PTPDC1: variants seen among roughly 807,000 people sequenced by gnomAD.
The protein encoded by PTPDC1 is protein tyrosine phosphatase domain containing 1.
In PTPDC1, 53 loss-of-function variants were observed where a neutral mutation model predicts 75.3. The observed-to-expected ratio is 0.70, with a 90% confidence interval of 0.56 to 0.88. The LOEUF is 0.88. Ranked by LOEUF, PTPDC1 falls within the 40% of genes least tolerant of loss-of-function variation. PTPDC1 has a pLI of 0.00. For synonymous variants in PTPDC1, 349 were observed against 366.2 expected (o/e 0.95, Z 0.54); for missense variants, 925 against 998.6 (o/e 0.93, Z 0.99).
At chr9:94,093,471 C>T (rs1437181066) in intron 4 of PTPDC1, among the ~76,000 whole-genome samples, 2 of 146,940 alleles carry the variant, frequency 1.4e-5, no homozygotes, top group African/African-American at 5.1e-5. Flanking sequence ...GTCTGATGGG[C>T]TTCCCTTTGA....
At chr9:94,094,502 A>T (rs1009842542) in intron 4 of PTPDC1, among the ~76,000 whole-genome samples, 1 of 152,160 alleles carries the variant, frequency 6.6e-6, no homozygotes, top group South Asian at 2.1e-4. Context: ...GGGACATTTA[A>T]GTATGCAAAA....
At position 94,097,435 on chromosome 9, in the gene PTPDC1, G is replaced by C. The variant is rs1441202683; in HGVS notation, c.869G>C (p.Cys290Ser). The C allele has an allele frequency of 6.2e-7, 1 of 1,614,156 alleles. No homozygotes were observed. Among genetic ancestry groups the C allele is most frequent in the Admixed American group, 1.7e-5 (1 of 60,012 alleles). The change falls in exon 6 of 9, where the codon TGT becomes TCT. Residue 290 changes from cysteine (C) to serine (S), a missense_variant. By Grantham distance (112) the Cys-to-Ser change is moderately radical. Coordinates refer to ENST00000620992, the MANE Select transcript of PTPDC1 (RefSeq NM_001253829.2). Reference protein sequence around the residue: ...NSIQTRGQLLCVREFTQFLTP... With the variant: ...NSIQTRGQLLSVREFTQFLTP... ...ATACAAACCAGAGGACAGCTCCTCT[G>C]TGTAAGGGAATTTACTCAGTTTCTA...
intron 3 of PTPDC1, 103 bp from the exon 4 acceptor site, chr9:94,088,042 T>C: frequency 6.7e-7 from 1 of 1,486,050 alleles, no homozygotes; most frequent in East Asian, 2.3e-5. Context: ...AATGAGAAAT[T>C]AAGATTTTTG....
chr9:94,055,069 T>C (rs1024905503), intron 1 of PTPDC1, among the ~76,000 whole-genome samples: 2 of 152,222 alleles, frequency 1.3e-5, no homozygotes, highest in Non-Finnish European at 2.9e-5. Flanking sequence ...AGTTCATGAA[T>C]CGTGAATAAA....
chr9:94,058,230 A>G (rs1181705109), intron 1 of PTPDC1, among the ~76,000 whole-genome samples: 2 of 152,180 alleles, frequency 1.3e-5, no homozygotes, highest in Admixed American at 1.3e-4. Context: ...AGGGCCCTCA[A>G]GGCTTTGCTG....
intron 4 of PTPDC1, among the ~76,000 whole-genome samples, chr9:94,094,785 A>C (rs80170952): frequency 4.6e-5 from 7 of 152,202 alleles, no homozygotes; most frequent in African/African-American, 1.4e-4. Flanking sequence ...TGTGGTGCGC[A>C]GTTTTTTAAG....
intron 1 of PTPDC1, among the ~76,000 whole-genome samples, chr9:94,043,685 C>T (rs994033303): frequency 5.3e-5 from 8 of 152,172 alleles, no homozygotes; most frequent in African/African-American, 1.9e-4. Flanking sequence ...CGCACCACTG[C>T]ACACCAGCCT....
intron 2 of PTPDC1, among the ~76,000 whole-genome samples, chr9:94,070,246 T>C (rs1338495418): frequency 1.3e-5 from 2 of 152,184 alleles, no homozygotes; most frequent in Non-Finnish European, 2.9e-5. Context: ...TCAGCCGTAC[T>C]TTTCCTAACC....
At chr9:94,066,680 C>T (rs1826317895) in intron 2 of PTPDC1, among the ~76,000 whole-genome samples, 1 of 152,100 alleles carries the variant, frequency 6.6e-6, no homozygotes, top group African/African-American at 2.4e-5. Context: ...GTCTCAGCCT[C>T]CTGAGTAGCT....
In PTPDC1 at chr9:94,050,776, G is replaced by A. The variant is rs541769801; in HGVS notation, c.-6-13958G>A. Among the ~76,000 whole-genome samples, 97 of 152,346 alleles carry A rather than the reference G, an allele frequency of 6.4e-4. 1 individual carries two copies. The highest frequency in any genetic ancestry group is 2.2e-3 in the African/African-American group (93 of 41,584). ...GATATTTAAGTCTGCAGAGGTTTCT[G>A]CTGCCTTTTGTTTGGCTATGCCCTG... On this transcript the variant is annotated intron_variant, in intron 1 of 9. Transcript: ENST00000375360.
chr9:94,085,472 ACT>A (rs774305103), intron 2 of PTPDC1, 50 bp downstream of exon 2: 10 of 1,593,680 alleles, frequency 6.3e-6, no homozygotes, highest in East Asian at 4.5e-5. Context: ...CAGGAAGGAC[ACT>A]CTGTGTGAGC....
chr9:94,049,981 T>A (rs537624456), intron 1 of PTPDC1, among the ~76,000 whole-genome samples: 2 of 152,366 alleles, frequency 1.3e-5, no homozygotes, highest in African/African-American at 4.8e-5. Context: ...CCATCACTGA[T>A]ACCCTTTCTT....
chr9:94,093,831 A>G (rs2118033951), intron 4 of PTPDC1, among the ~76,000 whole-genome samples: 1 of 146,090 alleles, frequency 6.8e-6, no homozygotes, highest in African/African-American at 2.6e-5. Context: ...CATTTCATTC[A>G]TTTCATCTTC....
chr9:94,065,925 T>C (rs1227393919), intron 2 of PTPDC1, among the ~76,000 whole-genome samples: 1 of 152,208 alleles, frequency 6.6e-6, no homozygotes, highest in Non-Finnish European at 1.5e-5. Context: ...TCTTTCCCCC[T>C]GAGTAACTCT....
chr9:94,065,597 T>C (rs1303185995), intron 2 of PTPDC1, among the ~76,000 whole-genome samples: 1 of 152,232 alleles, frequency 6.6e-6, no homozygotes. Context: ...GTCAGTTCTG[T>C]TGTGTTCTTG....
In PTPDC1 at chr9:94,107,099, A is replaced by G. The variant is rs148459305; in HGVS notation, c.2311-729A>G. On this transcript the variant is annotated intron_variant, in intron 8 of 8. Coordinates refer to ENST00000620992, the MANE Select transcript of PTPDC1 (RefSeq NM_001253829.2). ...CTCCCAAGTAGCTGGGACTACAGGC[A>G]TGTGCCACCATGCCTGGCTAAATTT... is the stretch of plus-strand genomic sequence containing the variant. Among the ~76,000 whole-genome samples the G allele has an allele frequency of 4.2e-3, 640 of 152,168 alleles. 5 individuals are homozygous for G. Among genetic ancestry groups the G allele is most frequent in the African/African-American group, 0.015 (615 of 41,528 alleles).
intron 8 of PTPDC1, 119 bp downstream of exon 8, chr9:94,104,504 T>G: frequency 1.6e-6 from 1 of 606,176 alleles, no homozygotes; most frequent in Non-Finnish European, 2.9e-6. Context: ...TGTTTTCCCT[T>G]CATGGAAATC....
chr9:94,073,918 T>G (rs1826594112), intron 2 of PTPDC1, among the ~76,000 whole-genome samples: 1 of 152,204 alleles, frequency 6.6e-6, no homozygotes, highest in Non-Finnish European at 1.5e-5. Flanking sequence ...CTGTTATCGA[T>G]TTCTAGTTTG....
At chr9:94,040,320 T>C (rs1825393522) in intron 1 of PTPDC1, among the ~76,000 whole-genome samples, 1 of 152,206 alleles carries the variant, frequency 6.6e-6, no homozygotes, top group South Asian at 2.1e-4. Context: ...ATAATTTTTA[T>C]GTGACATCCT....
Sources: allele counts gnomAD v4.1 joint callset (sites outside exome capture counted in the v4.1 genomes callset), GRCh38; gene constraint gnomAD v4.1.1; transcripts MANE v1.5; gene names NCBI Gene and HGNC (gene_info 2026-07-23, HGNC 2026-07-21).